EFNB2: variants seen among roughly 807,000 people sequenced by gnomAD.
EFNB2 encodes ephrin B2.
A neutral mutation model predicts 32.1 loss-of-function variants in EFNB2; 5 were observed. That is an observed-to-expected ratio of 0.16 (90% CI 0.08 to 0.33). The LOEUF is 0.33. Ranked by LOEUF, EFNB2 falls within the 10% of genes least tolerant of loss-of-function variation. EFNB2 has a pLI of 1.00. For synonymous variants in EFNB2, 168 were observed against 166.5 expected, an observed-to-expected ratio of 1.01 and a Z score of -0.07; for missense variants, 263 against 422.6, an observed-to-expected ratio of 0.62 and a Z score of 3.31.
In EFNB2 at chr13:106,490,686, G is replaced by A. The variant is rs1191999785; in HGVS notation, c.*2354C>T. The A allele has an allele frequency of 6.6e-6, 1 of 151,970 alleles. No individual in the cohort carries two copies. The highest frequency in any genetic ancestry group is 1.5e-5 in the Non-Finnish European group (1 of 68,002). 9.4% of individuals were successfully genotyped at this position (151,970 alleles called of 1,614,324 possible). On this transcript the variant is annotated 3_prime_UTR_variant, in exon 5 of 5. Transcript: ENST00000646441. ...AAAGGAGAGGTTGGGGTGATGGAAAGAATTACATATGTACTGTGGCTGGTT... is the reference window on the plus strand; with the variant it reads ...AAAGGAGAGGTTGGGGTGATGGAAAAAATTACATATGTACTGTGGCTGGTT...
Position 106,512,768 on chromosome 13 carries a change from T to C in EFNB2, c.167A>G (p.Asp56Gly). The change falls in exon 2 of 5, where the codon GAC (aspartate) becomes GGC (glycine). Residue 56 changes from aspartate to glycine, a missense_variant. Physicochemically the swap from Asp to Gly is moderately conservative, Grantham distance 94. Coordinates refer to ENST00000646441, the MANE Select transcript of EFNB2 (RefSeq NM_004093.4). ...TTTGGGGCAAATAATATCCAATTTG[T>C]CTCCTATCTGTGGGTATAGTACCAG... The part of the protein sequence containing the change: ...QGLVLYPQIG[D>G]KLDIICPKVD... 2 of 1,613,552 alleles carry C rather than the reference T, an allele frequency of 1.2e-6. No homozygotes were observed. The highest frequency in any genetic ancestry group is 1.7e-6 in the Non-Finnish European group (2 of 1,179,750).
chr13:106,522,016 T>C (rs1156567315), intron 1 of EFNB2, among the ~76,000 whole-genome samples: 1 of 151,204 alleles, frequency 6.6e-6, no homozygotes, highest in Non-Finnish European at 1.5e-5. Context: ...CAACCACCTA[T>C]ATCAAAATAA....
At chr13:106,534,772 C>T (rs1308255528) in intron 1 of EFNB2, 71 bp downstream of exon 1, 3 of 1,517,990 alleles carry the variant, frequency 2.0e-6, no homozygotes, top group South Asian at 2.5e-5. Flanking sequence ...CGCGGACTGA[C>T]CCCTCCTCCC....
intron 2 of EFNB2, among the ~76,000 whole-genome samples, chr13:106,501,510 T>C (rs948286603): frequency 3.9e-5 from 6 of 152,202 alleles, no homozygotes; most frequent in African/African-American, 7.2e-5. Flanking sequence ...ATACCAAATT[T>C]GCCTTATCTT....
intron 1 of EFNB2, among the ~76,000 whole-genome samples, chr13:106,523,091 G>T (rs1334863021): frequency 6.6e-6 from 1 of 152,164 alleles, no homozygotes; most frequent in African/African-American, 2.4e-5. Context: ...TCAGAGGAGG[G>T]TCAGGGCTAG....
chr13:106,530,903 T>G lies in EFNB2; in HGVS notation c.122+3940A>C, dbSNP rs531481781. 4.8e-4 allele frequency among the ~76,000 whole-genome samples: 73 copies of G among 152,318 alleles called. 1 individual carries two copies. Among genetic ancestry groups the G allele is most frequent in the Non-Finnish European group, 9.3e-4 (63 of 68,038 alleles). ...AACCGAAGGATGCACCTCAGTAAGT[T>G]TACAGACAAGAGGTTTTAATATAAA... On this transcript the variant is annotated intron_variant, in intron 1 of 4. Transcript: ENST00000646441.
intron 2 of EFNB2, among the ~76,000 whole-genome samples, chr13:106,509,054 G>A (rs1051522235): frequency 6.6e-6 from 1 of 152,174 alleles, no homozygotes. Context: ...CCCTAAGGTG[G>A]CTTGAAACTG....
rs1427939091 is a variant in EFNB2, at chr13:106,534,880, C to T, written c.85G>A (p.Val29Ile). Residue 29 changes from valine to isoleucine, a missense_variant, in exon 1 of 5, where the codon GTT becomes ATT. Physicochemically the swap from Val to Ile is conservative, Grantham distance 29. Around this residue, in one of 3 missense-constraint regions of EFNB2, gnomAD observed 46 missense variants for 56.9 expected, o/e 0.81. Transcript: ENST00000646441. ...GAATTCCAATAGATAGGCTCTAAAA[C>T]TATCGATTTGGAAATCGCAGTTCTG... ...LCRTAISKSI[V>I]LEPIYWNSSN... 6.2e-7 allele frequency: 1 copy of T among 1,613,540 alleles called. No individual in the cohort carries two copies. Among genetic ancestry groups the T allele is most frequent in the Non-Finnish European group, 8.5e-7 (1 of 1,179,766 alleles).
chr13:106,511,227 CTCTT>C (rs753502449), intron 2 of EFNB2, among the ~76,000 whole-genome samples: 4 of 152,166 alleles, frequency 2.6e-5, no homozygotes, highest in Admixed American at 6.5e-5. Context: ...ACCACATTCT[CTCTT>C]TTTTTTCTTG....
At position 106,535,052 on chromosome 13, in the gene EFNB2, T is replaced by A. The variant is rs1880024708; in HGVS notation, c.-88A>T. On this transcript the variant is annotated 5_prime_UTR_variant, in exon 1 of 5. Transcript: ENST00000646441. ...GGACCCCCAATCCTCCGGGGCAGAC[T>A]GGCGGGGAAGACGGCGTGCGCCCGC... 6.5e-7 allele frequency: 1 copy of A among 1,537,740 alleles called. No individual in the cohort carries two copies.
At chr13:106,514,651 G>C (rs1214451978) in intron 1 of EFNB2, among the ~76,000 whole-genome samples, 4 of 152,044 alleles carry the variant, frequency 2.6e-5, no homozygotes, top group African/African-American at 9.7e-5. Context: ...GACCTTTTTA[G>C]GACATCTTTA....
intron 2 of EFNB2, chr13:106,510,069 T>G (rs1380527099): frequency 6.6e-6 from 1 of 152,158 alleles, no homozygotes; most frequent in Non-Finnish European, 1.5e-5. Context: ...CAATTCTGTA[T>G]TAAGAAAGAT....
In EFNB2 at chr13:106,512,727, C is replaced by T. The variant is rs373751268; in HGVS notation, c.208G>A (p.Val70Ile). Residue 70 changes from valine to isoleucine, a missense_variant, in exon 2 of 5, where the codon GTT becomes ATT. Val to Ile is a conservative substitution (Grantham distance 29). Around this residue, in one of 3 missense-constraint regions of EFNB2, gnomAD observed 45 missense variants for 128.6 expected, o/e 0.35. Coordinates refer to ENST00000646441, the MANE Select transcript of EFNB2 (RefSeq NM_004093.4). The part of the protein sequence containing the change: ...IICPKVDSKT[V>I]GQYEYYKVYM... ...ACTTTATAATATTCATACTGGCCAA[C>T]AGTTTTAGAGTCCACTTTGGGGCAA... is the stretch of plus-strand genomic sequence containing the variant. The T allele has an allele frequency of 8.1e-5, 130 of 1,613,590 alleles. No individual in the cohort carries two copies. Among genetic ancestry groups the T allele is most frequent in the Admixed American group, 1.2e-4 (7 of 59,968 alleles).
chr13:106,512,279 T>C (rs1327280554), intron 2 of EFNB2, among the ~76,000 whole-genome samples: 4 of 143,882 alleles, frequency 2.8e-5, no homozygotes, highest in African/African-American at 5.2e-5. Context: ...AATACATTTA[T>C]TTCAATACTA....
chr13:106,513,676 T>C (rs1057248667), intron 1 of EFNB2, among the ~76,000 whole-genome samples: 12 of 152,024 alleles, frequency 7.9e-5, no homozygotes, highest in Non-Finnish European at 1.8e-4. Flanking sequence ...TAATGGGGAG[T>C]TTCTCTGAAA....
At chr13:106,501,886 C>A (rs1434871864) in intron 2 of EFNB2, among the ~76,000 whole-genome samples, 1 of 152,110 alleles carries the variant, frequency 6.6e-6, no homozygotes, top group Non-Finnish European at 1.5e-5. Context: ...GCCACCGCGC[C>A]CGGCCCAGAA....
intron 1 of EFNB2, among the ~76,000 whole-genome samples, chr13:106,527,574 T>C (rs974332753): frequency 1.3e-4 from 20 of 152,252 alleles, no homozygotes; most frequent in African/African-American, 4.6e-4. Flanking sequence ...AGCCACAGAA[T>C]GCTTTGGACT....
rs530437028 is a variant in EFNB2, at chr13:106,499,716, G to A, written c.407-3876C>T. ...AGATATTTTTTTTCCCTTGGCTCAG[G>A]AAAAAAATAGACTTTACAAATTTAA... On this transcript the variant is annotated intron_variant, in intron 2 of 4. Transcript: ENST00000646441. Among the ~76,000 whole-genome samples the A allele has an allele frequency of 9.9e-5, 15 of 151,874 alleles. No individual in the cohort carries two copies. The East Asian group carries it at 2.9e-3, about 29-fold the overall frequency.
chr13:106,535,038 C>T lies in EFNB2; in HGVS notation c.-74G>A. On this transcript the variant is annotated 5_prime_UTR_variant, in exon 1 of 5. Transcript: ENST00000646441. ...CGGGACGCAGGCTGGGACCCCCAAT[C>T]CTCCGGGGCAGACTGGCGGGGAAGA... 1 of 1,575,534 alleles carries T rather than the reference C, an allele frequency of 6.3e-7. No individual in the cohort carries two copies. The highest frequency in any genetic ancestry group is 1.4e-5 in the African/African-American group (1 of 73,362).
Sources: allele counts gnomAD v4.1 joint callset (sites outside exome capture counted in the v4.1 genomes callset), GRCh38; gene constraint gnomAD v4.1.1; regional missense constraint gnomAD v4.1.1; transcripts MANE v1.5; gene names NCBI Gene and HGNC (gene_info 2026-07-23, HGNC 2026-07-21).